The following SCNN1A variants were observed in gnomAD, a reference collection of about 807,000 sequenced individuals.
The protein encoded by SCNN1A is sodium channel epithelial 1 subunit alpha.
Under a neutral mutation model 68.6 loss-of-function variants are expected in SCNN1A, and 65 were observed. That is an observed-to-expected ratio of 0.95 (90% CI 0.78 to 1.16). SCNN1A has a LOEUF of 1.16. Ranked by LOEUF, SCNN1A falls within the 50% of genes most tolerant of loss-of-function variation. SCNN1A has a pLI of 0.00. For missense variants in SCNN1A, 880 were observed against 865.9 expected, an observed-to-expected ratio of 1.02 and a Z score of -0.20; for synonymous variants, 357 against 353.3, an observed-to-expected ratio of 1.01 and a Z score of -0.12.
chr12:6,371,516 AGCGT>A, intron 2 of SCNN1A, among the ~76,000 whole-genome samples: 1 of 87,530 alleles, frequency 1.1e-5, no homozygotes, highest in Admixed American at 1.5e-4. Context: ...TTTCCATTGG[AGCGT>A]GGCGGGGGGG....
At chr12:6,361,988 C>T (rs56128666) in intron 4 of SCNN1A, 63 bp downstream of exon 4, 4 of 1,550,264 alleles carry the variant, frequency 2.6e-6, no homozygotes, top group South Asian at 1.1e-5. Flanking sequence ...CCATGCAGGG[C>T]GTGAGGCTGA....
upstream of SCNN1A, chr12:6,375,823 C>T: frequency 7.4e-7 from 1 of 1,354,600 alleles, no homozygotes; most frequent in Non-Finnish European, 9.4e-7. Context: ...GAGGGCAACA[C>T]AAGGAGAAGG....
chr12:6,363,705 G>C lies in SCNN1A; in HGVS notation c.422C>G (p.Pro141Arg), dbSNP rs1417727135. The C allele has an allele frequency of 8.8e-6, 14 of 1,598,260 alleles. No individual in the cohort carries two copies. The South Asian group carries it at 1.1e-4, about 13-fold the overall frequency. ...TICTLNPYRYPEIKEELEELD... is the reference protein window; with the variant it reads ...TICTLNPYRYREIKEELEELD... The stretch of plus-strand genomic sequence containing the variant: ...CTCCTCCAGCTCCTCTTTAATTTCC[G>C]GGTACCTGAAGGGGCGAGGGGAAGA... The change falls in exon 3 of 13, where the codon CCG (proline) becomes CGG (arginine). Residue 141 changes from proline (P) to arginine (R), a missense_variant. Pro to Arg is a moderately radical substitution (Grantham distance 103). Transcript: ENST00000228916.
chr12:6,348,402 T>C, intron 12 of SCNN1A, 149 bp from the exon 13 acceptor site: 1 of 1,480,636 alleles, frequency 6.8e-7, no homozygotes, highest in Non-Finnish European at 9.2e-7. Context: ...CCTGGGCTCT[T>C]TGTCTCTGCT....
chr12:6,354,866 C>A lies in SCNN1A; in HGVS notation c.1144-18G>T, dbSNP rs763041552. The A allele has an allele frequency of 1.4e-5, 23 of 1,600,220 alleles. No homozygotes were observed. Among genetic ancestry groups the A allele is most frequent in the Non-Finnish European group, 1.9e-5 (22 of 1,167,764 alleles). On this transcript the variant is annotated intron_variant, in intron 6 of 12. Coordinates refer to ENST00000228916, the MANE Select transcript of SCNN1A (RefSeq NM_001038.6). ...AGGGTTTCCTATGAACCCACATACA[C>A]CAAGAGATCAGAGGACAGAGCAAGT...
intron 2 of SCNN1A, among the ~76,000 whole-genome samples, chr12:6,369,799 A>C (rs1948753998): frequency 7.0e-6 from 1 of 142,518 alleles, no homozygotes; most frequent in Admixed American, 7.8e-5. Context: ...CCACCACTGC[A>C]CTCCAGCCTG....
Position 6,349,145 on chromosome 12 carries a change from T to C in SCNN1A, c.1497+19A>G. On this transcript the variant is annotated intron_variant, in intron 10 of 12. Transcript: ENST00000228916. Reference sequence around the variant, plus strand: ...CATGGGCACACACATCCCCCACCCATCCCTTCCCCACACTCTACCTGGGAT... The same window carrying C: ...CATGGGCACACACATCCCCCACCCACCCCTTCCCCACACTCTACCTGGGAT... The C allele has an allele frequency of 6.2e-7, 1 of 1,605,880 alleles. No homozygotes were observed. The highest frequency in any genetic ancestry group is 8.5e-7 in the Non-Finnish European group (1 of 1,172,886).
upstream of SCNN1A, chr12:6,377,178 G>A (rs1948926681): frequency 7.7e-7 from 1 of 1,300,276 alleles, no homozygotes; most frequent in Non-Finnish European, 1.1e-6. Flanking sequence ...TTCCTCTCTT[G>A]CGGCAGTCTC....
In SCNN1A at chr12:6,363,412, G is replaced by T. The variant is rs371408832; in HGVS notation, c.684+31C>A. 55 of 1,491,626 alleles carry T rather than the reference G, an allele frequency of 3.7e-5. No homozygotes were observed. The African/African-American group carries it at 5.3e-4, about 14-fold the overall frequency. 92.4% of individuals were successfully genotyped at this position (1,491,626 alleles called of 1,614,324 possible). On this transcript the variant is annotated intron_variant, in intron 3 of 12. Coordinates refer to ENST00000228916, the MANE Select transcript of SCNN1A (RefSeq NM_001038.6). ...GCGGGGCCAGGGGCCGGCGAGGGGC[G>T]GGGCGGGCCCCTCGGCGCTGCGGGC...
intron 2 of SCNN1A, among the ~76,000 whole-genome samples, chr12:6,364,965 A>C (rs1466038599): frequency 6.6e-6 from 1 of 152,024 alleles, no homozygotes; most frequent in East Asian, 1.9e-4. Flanking sequence ...TAAATCAAAG[A>C]TCAGAATAAG....
intron 4 of SCNN1A, among the ~76,000 whole-genome samples, chr12:6,360,692 A>T (rs1323282084): frequency 6.6e-6 from 1 of 152,206 alleles, no homozygotes; most frequent in Non-Finnish European, 1.5e-5. Flanking sequence ...TGTAGAGTGG[A>T]GCCAGGCAGA....
intron 8 of SCNN1A, chr12:6,349,969 GC>G: frequency 5.2e-6 from 1 of 190,786 alleles, no homozygotes; most frequent in Non-Finnish European, 1.2e-5. Flanking sequence ...CTCGTGATCT[GC>G]CCGCCTCGGC....
chr12:6,376,740 G>A (rs896301439), upstream of SCNN1A, among the ~76,000 whole-genome samples: 4 of 152,116 alleles, frequency 2.6e-5, no homozygotes, highest in Non-Finnish European at 5.9e-5. Context: ...CACAACCCAG[G>A]CCCTGCACGC....
intron 8 of SCNN1A, chr12:6,353,859 G>A (rs778887340): frequency 6.6e-6 from 1 of 150,596 alleles, no homozygotes; most frequent in African/African-American, 2.5e-5. Flanking sequence ...AAAGTGCTGG[G>A]ATTACAGGCG....
intron 2 of SCNN1A, 138 bp from the exon 3 acceptor site, chr12:6,363,848 G>A: frequency 1.4e-6 from 1 of 734,196 alleles, no homozygotes; most frequent in Non-Finnish European, 2.1e-6. Flanking sequence ...GGTCGTCGTG[G>A]CGCCTCCTGG....
Position 6,349,211 on chromosome 12 carries a change from AG to A in SCNN1A, c.1449del (p.Tyr484ThrfsTer13), listed in dbSNP as rs756434927. 3.4e-5 allele frequency: 55 copies of A among 1,614,014 alleles called. No homozygotes were observed. The highest frequency in any genetic ancestry group is 4.2e-5 in the Non-Finnish European group (50 of 1,180,004). ...CGTGAGTAACCAGCAGAGAGCTGGT[AG>A]CTGGTCACGCTGGGGATGGAGAAAG... ...TKCRKPCSVT[S>X]YQLSAGYSRW... On this transcript the variant is annotated frameshift_variant, in exon 10 of 13. Coordinates refer to ENST00000228916, the MANE Select transcript of SCNN1A (RefSeq NM_001038.6). LOFTEE classifies it high-confidence loss of function.
At chr12:6,366,782 C>G (rs1312659485) in intron 2 of SCNN1A, among the ~76,000 whole-genome samples, 2 of 144,764 alleles carry the variant, frequency 1.4e-5, no homozygotes, top group African/African-American at 2.6e-5. Flanking sequence ...CCTGGGCAAC[C>G]AGAGCGAAAC....
intron 6 of SCNN1A, among the ~76,000 whole-genome samples, 185 bp downstream of exon 6, chr12:6,355,087 C>T (rs961267043): frequency 1.1e-4 from 16 of 152,152 alleles, no homozygotes; most frequent in Non-Finnish European, 2.1e-4. Flanking sequence ...ACTTGTCCCC[C>T]AGGGTCCACC....
chr12:6,371,961 T>C (rs1948802029), intron 2 of SCNN1A, among the ~76,000 whole-genome samples: 1 of 151,908 alleles, frequency 6.6e-6, no homozygotes, highest in Non-Finnish European at 1.5e-5. Flanking sequence ...CACACCTGGC[T>C]GATTTTTGTA....
Sources: allele counts gnomAD v4.1 joint callset (sites outside exome capture counted in the v4.1 genomes callset), GRCh38; gene constraint gnomAD v4.1.1; transcripts MANE v1.5; gene names NCBI Gene and HGNC (gene_info 2026-07-23, HGNC 2026-07-21).